Variants in SGCG observed in about 807,000 individuals in gnomAD.
SGCG encodes the protein gamma-sarcoglycan.
In SGCG, 26 loss-of-function variants were observed where a neutral mutation model predicts 29.3. The observed-to-expected ratio is 0.89, with a 90% confidence interval of 0.65 to 1.23. The LOEUF (loss-of-function observed/expected upper bound fraction) is 1.23. SGCG is among the 50% of genes most tolerant of loss of function. The pLI, the probability that SGCG is intolerant of heterozygous loss-of-function variation, is 0.00. For missense variants in SGCG, 353 were observed against 356.0 expected (o/e 0.99, Z 0.07); for synonymous variants, 145 against 129.7 (o/e 1.12, Z -0.80).
chr13:23,291,103 A>G (rs1442307630), intron 5 of SGCG, among the ~76,000 whole-genome samples: 1 of 152,244 alleles, frequency 6.6e-6, no homozygotes, highest in Non-Finnish European at 1.5e-5. Context: ...CCTTCACAGT[A>G]GAATTGGACA....
At chr13:23,204,542 T>C (rs190134838) in intron 2 of SGCG, among the ~76,000 whole-genome samples, 17 of 152,316 alleles carry the variant, frequency 1.1e-4, no homozygotes, top group Non-Finnish European at 2.4e-4. Flanking sequence ...GGTCAGTCTG[T>C]TGCTTACATG....
At chr13:23,203,597 T>C (rs1877854670) in intron 1 of SGCG, 98 bp from the exon 2 acceptor site, 1 of 822,800 alleles carries the variant, frequency 1.2e-6, no homozygotes, top group Admixed American at 2.0e-5. Context: ...ATGAAAAATA[T>C]GTTTTCAGGC....
At chr13:23,323,305 G>A (rs950780891) in intron 7 of SGCG, among the ~76,000 whole-genome samples, 1 of 152,240 alleles carries the variant, frequency 6.6e-6, no homozygotes, top group Non-Finnish European at 1.5e-5. Context: ...CTTTGACCGT[G>A]ACTGCACCAG....
At chr13:23,255,393 G>A (rs773370409) in intron 4 of SGCG, among the ~76,000 whole-genome samples, 5 of 152,222 alleles carry the variant, frequency 3.3e-5, no homozygotes, top group Non-Finnish European at 7.3e-5. Flanking sequence ...AGTGGAAAGA[G>A]ATGAATCTCA....
chr13:23,259,290 G>T (rs1219077677), intron 4 of SGCG, among the ~76,000 whole-genome samples: 1 of 152,054 alleles, frequency 6.6e-6, no homozygotes, highest in Non-Finnish European at 1.5e-5. Context: ...ATGTGTCCAG[G>T]AAATATCCAT....
chr13:23,303,349 G>C (rs1041010736), intron 6 of SGCG, among the ~76,000 whole-genome samples: 25 of 152,342 alleles, frequency 1.6e-4, no homozygotes, highest in African/African-American at 5.5e-4. Context: ...GAGAACACTT[G>C]ACAAATATAT....
Position 23,263,138 on chromosome 13 carries a change from AAAT to A in SGCG, c.385+12424_385+12426del, listed in dbSNP as rs368443498. Among the ~76,000 whole-genome samples, 13 of 147,046 alleles carry A rather than the reference AAAT, an allele frequency of 8.8e-5. No individual in the cohort carries two copies. The South Asian group carries it at 2.7e-3, about 31-fold the overall frequency. ...AAACCCAAAGCTACCATAGGAAAAG[AAAT>A]AACAAAGATCAGAGCAGAAACAAAA... On this transcript the variant is annotated intron_variant, in intron 4 of 7. Transcript: ENST00000218867.
intron 2 of SGCG, among the ~76,000 whole-genome samples, chr13:23,220,805 G>C (rs541022029): frequency 2.9e-3 from 444 of 152,262 alleles, no homozygotes; most frequent in Non-Finnish European, 5.8e-3. Flanking sequence ...CTATGGAAAG[G>C]GGAGTGAGTT....
At chr13:23,234,106 C>A (rs1879213780) in intron 2 of SGCG, among the ~76,000 whole-genome samples, 1 of 152,272 alleles carries the variant, frequency 6.6e-6, no homozygotes, top group African/African-American at 2.4e-5. Context: ...TTGAACAGAC[C>A]TCTATATCCT....
At chr13:23,191,139 C>T (rs925836626) in intron 1 of SGCG, among the ~76,000 whole-genome samples, 1 of 152,104 alleles carries the variant, frequency 6.6e-6, no homozygotes, top group Non-Finnish European at 1.5e-5. Flanking sequence ...CATTTGACAT[C>T]GAAATCAATT....
At chr13:23,193,261 G>A (rs952213051) in intron 1 of SGCG, among the ~76,000 whole-genome samples, 13 of 152,234 alleles carry the variant, frequency 8.5e-5, no homozygotes, top group African/African-American at 2.9e-4. Context: ...AGCTGGAGAG[G>A]CTGGCTGGAC....
At chr13:23,274,560 C>T (rs1880998081) in intron 4 of SGCG, among the ~76,000 whole-genome samples, 1 of 151,892 alleles carries the variant, frequency 6.6e-6, no homozygotes, top group South Asian at 2.1e-4. Context: ...GTAGCTGAGA[C>T]TACAGGAGCC....
At chr13:23,203,337 AT>A (rs1419341239) in intron 1 of SGCG, among the ~76,000 whole-genome samples, 1 of 152,170 alleles carries the variant, frequency 6.6e-6, no homozygotes, top group Non-Finnish European at 1.5e-5. Flanking sequence ...TAACTTGATT[AT>A]TTTAGGTTAA....
At chr13:23,270,368 A>G (rs1344426555) in intron 4 of SGCG, among the ~76,000 whole-genome samples, 1 of 152,320 alleles carries the variant, frequency 6.6e-6, no homozygotes, top group East Asian at 1.9e-4. Flanking sequence ...AATTATTTCC[A>G]GTCTCACAGG....
At chr13:23,234,502 AGGT>A in intron 2 of SGCG, 106 bp from the exon 3 acceptor site, 2 of 749,396 alleles carry the variant, frequency 2.7e-6, no homozygotes, top group South Asian at 3.1e-5. Flanking sequence ...AATGCAGAAA[AGGT>A]GGTAGGCAAT....
At chr13:23,181,377 G>A (rs1340685356) in intron 1 of SGCG, among the ~76,000 whole-genome samples, 1 of 152,036 alleles carries the variant, frequency 6.6e-6, no homozygotes, top group Non-Finnish European at 1.5e-5. Flanking sequence ...GCATTGAATT[G>A]GATCCTGTAG....
intron 2 of SGCG, among the ~76,000 whole-genome samples, chr13:23,210,971 AT>A (rs1193019889): frequency 1.3e-5 from 2 of 152,150 alleles, no homozygotes; most frequent in African/African-American, 4.8e-5. Flanking sequence ...ATAAATACAA[AT>A]TTTTCCCCAT....
chr13:23,324,352 A>T lies in SGCG; in HGVS notation c.703-16A>T, dbSNP rs376682352. On this transcript the variant is annotated splice_polypyrimidine_tract_variant and intron_variant, in intron 7 of 7. Coordinates refer to ENST00000218867, the MANE Select transcript of SGCG (RefSeq NM_000231.3). The stretch of plus-strand genomic sequence containing the variant: ...GCCCTTCCTTAACTCTTCGTCTCTC[A>T]TCTTCTCCCAACCAGCTTGTGCTTG... 2 of 1,614,012 alleles carry T rather than the reference A, an allele frequency of 1.2e-6. No homozygotes were observed. Among genetic ancestry groups the T allele is most frequent in the Non-Finnish European group, 1.7e-6 (2 of 1,179,920 alleles).
chr13:23,201,026 G>A (rs566912074), intron 1 of SGCG, among the ~76,000 whole-genome samples: 263 of 152,276 alleles, frequency 1.7e-3, no homozygotes, highest in African/African-American at 5.8e-3. Context: ...GGTGGGGCAT[G>A]AGCCGATGCA....
Sources: gnomAD v4.1 joint callset for allele counts (sites outside exome capture counted in the v4.1 genomes callset) on GRCh38, gnomAD v4.1.1 for gene constraint, MANE v1.5 for transcripts, NCBI Gene and HGNC (gene_info 2026-07-23, HGNC 2026-07-21) for gene names.